COL25A1: variants seen among roughly 807,000 people sequenced by gnomAD.
COL25A1 encodes the protein collagen alpha-1(XXV) chain.
In COL25A1, 103 loss-of-function variants were observed where a neutral mutation model predicts 128.4. The ratio of observed to expected loss-of-function variants is 0.80; its 90% CI spans 0.68 to 0.94. The LOEUF (loss-of-function observed/expected upper bound fraction) is 0.94. COL25A1 is among the 40% of genes least tolerant of loss of function. The pLI, the probability that COL25A1 is intolerant of heterozygous loss-of-function variation, is 0.00. For synonymous variants in COL25A1, 279 were observed against 277.2 expected (o/e 1.01, Z -0.06); for missense variants, 745 against 840.0 (o/e 0.89, Z 1.40).
At chr4:109,286,353 T>C (rs974006982) in intron 3 of COL25A1, among the ~76,000 whole-genome samples, 2 of 152,140 alleles carry the variant, frequency 1.3e-5, no homozygotes, top group Non-Finnish European at 2.9e-5. Context: ...GAAGCAGCTA[T>C]AATGTAGAGG....
chr4:109,242,038 C>T (rs918988373), intron 3 of COL25A1, among the ~76,000 whole-genome samples: 1 of 151,852 alleles, frequency 6.6e-6, no homozygotes, highest in Non-Finnish European at 1.5e-5. Context: ...AAATCAAGGG[C>T]CCTGGGTCTG....
At chr4:108,874,137 C>T (rs62314575) in intron 19 of COL25A1, among the ~76,000 whole-genome samples, 10 of 151,964 alleles carry the variant, frequency 6.6e-5, no homozygotes, top group African/African-American at 9.7e-5. Context: ...GGGAAGAAGG[C>T]GGGAGGAAGC....
intron 3 of COL25A1, among the ~76,000 whole-genome samples, chr4:109,216,250 TAGGA>T (rs1245673042): frequency 2.1e-5 from 3 of 144,306 alleles, no homozygotes; most frequent in Admixed American, 7.1e-5. Flanking sequence ...AATGGATGGA[TAGGA>T]AGGAAGGAAG....
intron 3 of COL25A1, among the ~76,000 whole-genome samples, chr4:109,059,764 A>T (rs1422497687): frequency 1.3e-5 from 2 of 152,330 alleles, no homozygotes; most frequent in Middle Eastern, 3.4e-3. Flanking sequence ...GAAGTGACAG[A>T]AATAAGAAAA....
chr4:108,812,311 CTAAA>C lies in COL25A1; in HGVS notation c.*1612_*1615del, dbSNP rs373463930. 51 of 152,212 alleles carry C rather than the reference CTAAA, an allele frequency of 3.4e-4. No individual in the cohort carries two copies. Among genetic ancestry groups the C allele is most frequent in the African/African-American group, 1.2e-3 (51 of 41,544 alleles). The allele number at this position is 152,212 out of a possible 1,614,324, so 9.4% of individuals were successfully genotyped here. A position where few individuals can be genotyped will look rare whatever the true frequency, so the allele number is the denominator to read the frequency against. ...AGAAATGTTAAAAAGAGAAAGAAAT[CTAAA>C]TATAGACAAAACTTAAAACCATAAA... On this transcript the variant is annotated 3_prime_UTR_variant, in exon 38 of 38. Transcript: ENST00000399132.
chr4:108,852,365 C>T (rs1735889885), intron 25 of COL25A1, 85 bp from the exon 26 acceptor site: 1 of 965,888 alleles, frequency 1.0e-6, no homozygotes, highest in Non-Finnish European at 1.5e-6. Flanking sequence ...TATACACCTT[C>T]CTTATTTCTA....
rs576711184 is a variant in COL25A1 at position 109,057,526 on chromosome 4, C to A, written c.368-7347G>T. Reference sequence around the variant, plus strand: ...CAAACTCCTGACTTCAGGTGACCTGCCGGCCTTTGCCTCCCAAAGTGCTGG... The same window carrying A: ...CAAACTCCTGACTTCAGGTGACCTGACGGCCTTTGCCTCCCAAAGTGCTGG... On this transcript the variant is annotated intron_variant, in intron 3 of 37. Transcript: ENST00000399132. 2.1e-5 allele frequency among the ~76,000 whole-genome samples: 3 copies of A among 144,204 alleles called. No homozygotes were observed. The East Asian group carries it at 6.2e-4, about 30-fold the overall frequency. The allele number at this position is 144,204 out of a possible 152,430, so 94.6% of individuals were successfully genotyped here.
At chr4:108,895,934 C>CA (rs1742067462) in intron 16 of COL25A1, among the ~76,000 whole-genome samples, 1 of 128,656 alleles carries the variant, frequency 7.8e-6, no homozygotes, top group Admixed American at 8.6e-5. Flanking sequence ...GCCTTATAAT[C>CA]AAACTTTTTT....
At chr4:108,986,029 T>C (rs894605693) in intron 6 of COL25A1, among the ~76,000 whole-genome samples, 14 of 152,228 alleles carry the variant, frequency 9.2e-5, no homozygotes, top group African/African-American at 2.7e-4. Flanking sequence ...AAGCTGAGTA[T>C]TATATTTGAT....
chr4:109,040,064 G>T (rs989068798), intron 5 of COL25A1, among the ~76,000 whole-genome samples: 3 of 152,118 alleles, frequency 2.0e-5, no homozygotes, highest in Non-Finnish European at 4.4e-5. Context: ...GTTTCAAAAA[G>T]TATAATAAAA....
Position 108,889,300 on chromosome 4 carries a change from A to AT in COL25A1, c.940-45dup, listed in dbSNP as rs1248539709. On this transcript the variant is annotated intron_variant, in intron 17 of 37. Coordinates refer to ENST00000399132, the MANE Select transcript of COL25A1 (RefSeq NM_198721.4). ...AGATGAAAAACACAGTCTTAAAAGAATTTTCTAAAACACTTAGACCTCTGG... is the reference window on the plus strand; with the variant it reads ...AGATGAAAAACACAGTCTTAAAAGAATTTTTCTAAAACACTTAGACCTCTGG... The AT allele has an allele frequency of 1.9e-6, 3 of 1,604,992 alleles. No individual in the cohort carries two copies. In the Admixed American group the frequency reaches 5.0e-5, roughly 27 times the overall value.
At chr4:109,034,937 A>T (rs1251133345) in intron 5 of COL25A1, among the ~76,000 whole-genome samples, 1 of 152,178 alleles carries the variant, frequency 6.6e-6, no homozygotes, top group African/African-American at 2.4e-5. Flanking sequence ...TATTACTGGG[A>T]TTCATATGAT....
intron 3 of COL25A1, among the ~76,000 whole-genome samples, chr4:109,274,231 T>C (rs77451221): frequency 0.014 from 2,147 of 152,314 alleles, 112 homozygotes; most frequent in East Asian, 0.12. Context: ...AATCAAAAGT[T>C]CAAAGTCTAT....
intron 8 of COL25A1, among the ~76,000 whole-genome samples, chr4:108,971,368 AG>A (rs1751895068): frequency 1.3e-5 from 2 of 152,328 alleles, no homozygotes; most frequent in Admixed American, 6.5e-5. Context: ...GGACCTAAGG[AG>A]GGAGGGGGGC....
At chr4:109,290,572 T>C (rs1044686575) in intron 3 of COL25A1, among the ~76,000 whole-genome samples, 8 of 152,094 alleles carry the variant, frequency 5.3e-5, no homozygotes, top group African/African-American at 1.9e-4. Context: ...TCCTGGGAAA[T>C]TGTCAGTATG....
At chr4:108,872,464 C>T (rs966940582) in intron 19 of COL25A1, among the ~76,000 whole-genome samples, 4 of 152,094 alleles carry the variant, frequency 2.6e-5, no homozygotes, top group Non-Finnish European at 4.4e-5. Flanking sequence ...CCAGATTCCA[C>T]GTTGCACCTA....
intron 5 of COL25A1, among the ~76,000 whole-genome samples, chr4:109,014,354 A>G (rs1156335275): frequency 1.3e-5 from 2 of 152,142 alleles, no homozygotes. Flanking sequence ...CCCAGAATAT[A>G]TTGCATCTCT....
intron 19 of COL25A1, among the ~76,000 whole-genome samples, chr4:108,879,254 T>G (rs977219338): frequency 3.9e-5 from 6 of 152,332 alleles, no homozygotes; most frequent in African/African-American, 1.4e-4. Context: ...GATCTTAATG[T>G]CAAATTTTCA....
chr4:109,160,294 C>T lies in COL25A1; in HGVS notation c.368-110115G>A, dbSNP rs11932958. ...CAATCACTCCTTAAAGTTGAACATA[C>T]GTGTAAAGTTGAAGAAAAGAACATC... On this transcript the variant is annotated intron_variant, in intron 3 of 37. Coordinates refer to ENST00000399132, the MANE Select transcript of COL25A1 (RefSeq NM_198721.4). Among the ~76,000 whole-genome samples the T allele has an allele frequency of 7.7e-3, 1,170 of 152,106 alleles. 15 individuals carry two copies. Among genetic ancestry groups the T allele is most frequent in the African/African-American group, 0.026 (1,098 of 41,472 alleles).
Sources: gnomAD v4.1 joint callset for allele counts (sites outside exome capture counted in the v4.1 genomes callset) on GRCh38, gnomAD v4.1.1 for gene constraint, MANE v1.5 for transcripts, NCBI Gene and HGNC (gene_info 2026-07-23, HGNC 2026-07-21) for gene names.